The following UGT1A4 variants were observed in gnomAD, a reference collection of about 807,000 sequenced individuals.
UGT1A4 encodes the protein UDP glucuronosyltransferase family 1 member A4, also known as UDP-glucuronosyltransferase 1A4.
Under a neutral mutation model 41.1 loss-of-function variants are expected in UGT1A4, and 32 were observed. The observed-to-expected ratio is 0.78, with a 90% CI of 0.59 to 1.05. UGT1A4 has a LOEUF of 1.05. UGT1A4 is among the 50% of genes least tolerant of loss of function. UGT1A4 has a pLI of 0.00. For synonymous variants in UGT1A4, 283 were observed against 265.1 expected, an observed-to-expected ratio of 1.07 and a Z score of -0.66; for missense variants, 748 against 677.4, an observed-to-expected ratio of 1.10 and a Z score of -1.16.
At chr2:233,753,409 C>A (rs1226930464) in intron 1 of UGT1A4, 1 of 152,194 alleles carries the variant, frequency 6.6e-6, no homozygotes, top group African/African-American at 2.4e-5. Flanking sequence ...CATATCCAAA[C>A]CCATTGTCAC....
At chr2:233,724,310 G>A (rs1212736933) in intron 1 of UGT1A4, among the ~76,000 whole-genome samples, 12 of 140,982 alleles carry the variant, frequency 8.5e-5, no homozygotes, top group African/African-American at 1.3e-4. Context: ...CCTCCCTCCC[G>A]GACGGGGCGG....
At chr2:233,760,458 A>C (rs1336419159) in intron 1 of UGT1A4, 1 of 1,614,212 alleles carries the variant, frequency 6.2e-7, no homozygotes, top group South Asian at 1.1e-5. Context: ...GACATGAAAT[A>C]GTTGTCCTAG....
At position 233,719,622 on chromosome 2, in the gene UGT1A4, C is replaced by T; in HGVS notation, c.802C>T (p.Pro268Ser). The T allele has an allele frequency of 4.3e-6, 7 of 1,614,034 alleles. No individual in the cohort carries two copies. The highest frequency in any genetic ancestry group is 5.9e-6 in the Non-Finnish European group (7 of 1,179,938). ...GGACTTTGTGATGGACTACCCCAGG[C>T]CGATCATGCCCAACATGGTCTTCAT... ...RGDFVMDYPR[P>S]IMPNMVFIGG... The change falls in exon 1 of 5, where the codon CCG becomes TCG. Residue 268 changes from proline (P) to serine (S), a missense_variant. By Grantham distance (74) the Pro-to-Ser change is moderately conservative. Coordinates refer to ENST00000373409, the MANE Select transcript of UGT1A4 (RefSeq NM_007120.3).
intron 1 of UGT1A4, among the ~76,000 whole-genome samples, chr2:233,759,599 A>ACCCCCCCCCCCCCCCCCCCC (rs1553620419): frequency 9.2e-6 from 1 of 108,662 alleles, no homozygotes; most frequent in African/African-American, 3.3e-5. Context: ...CCCACCCCCG[A>ACCCCCCCCCCCCCCCCCCCC]CCCGCCCCAC....
intron 1 of UGT1A4, among the ~76,000 whole-genome samples, chr2:233,744,679 T>C (rs1489705981): frequency 6.6e-6 from 1 of 151,892 alleles, no homozygotes; most frequent in Admixed American, 6.5e-5. Flanking sequence ...ACATCACCCA[T>C]GTAGCTTCTG....
chr2:233,734,102 A>G (rs1165382391), intron 1 of UGT1A4, among the ~76,000 whole-genome samples: 2 of 142,668 alleles, frequency 1.4e-5, no homozygotes, highest in East Asian at 3.9e-4. Flanking sequence ...AACTTAAAGT[A>G]TAATAATAAT....
chr2:233,768,908 GA>G (rs1376378983), intron 4 of UGT1A4, among the ~76,000 whole-genome samples: 2 of 152,020 alleles, frequency 1.3e-5, no homozygotes, highest in African/African-American at 4.8e-5. Context: ...AGATAATTTA[GA>G]GGTTATTATT....
At chr2:233,743,470 G>T in intron 1 of UGT1A4, 1 of 1,366,762 alleles carries the variant, frequency 7.3e-7, no homozygotes, top group Non-Finnish European at 9.8e-7. Flanking sequence ...ACCCCCAAAA[G>T]CTGGAAATTC....
chr2:233,719,211 C>A lies in UGT1A4; in HGVS notation c.391C>A (p.Leu131Ile). 6.2e-7 allele frequency: 1 copy of A among 1,614,194 alleles called. No individual in the cohort carries two copies. Among genetic ancestry groups the A allele is most frequent in the Non-Finnish European group, 8.5e-7 (1 of 1,180,038 alleles). The change falls in exon 1 of 5, where the codon CTA (leucine) becomes ATA (isoleucine). Residue 131 changes from leucine (L) to isoleucine (I), a missense_variant. Transcript: ENST00000373409. Reference protein sequence around the residue: ...SLALHRCCVELLHNEALIRHL... With the variant: ...SLALHRCCVEILHNEALIRHL... Reference sequence around the variant, plus strand: ...GGCCCTTCATAGGTGTTGTGTGGAGCTACTGCATAATGAGGCCCTGATCAG... The same window carrying A: ...GGCCCTTCATAGGTGTTGTGTGGAGATACTGCATAATGAGGCCCTGATCAG...
intron 1 of UGT1A4, among the ~76,000 whole-genome samples, chr2:233,725,678 A>C (rs28899189): frequency 0.068 from 10,401 of 152,238 alleles, 505 homozygotes; most frequent in East Asian, 0.2. Flanking sequence ...GTCACATTTC[A>C]AGTGCTCAAT....
At chr2:233,752,348 A>G (rs1694949264) in intron 1 of UGT1A4, 1 of 152,154 alleles carries the variant, frequency 6.6e-6, no homozygotes, top group South Asian at 2.1e-4. Context: ...CATGGAGGAA[A>G]TTCATTTTAG....
rs532123435 is a variant in UGT1A4 at position 233,768,784 on chromosome 2, ATGTT to A, written c.1307+349_1307+352del. Among the ~76,000 whole-genome samples the A allele has an allele frequency of 2.0e-5, 3 of 151,986 alleles. No homozygotes were observed. The South Asian group carries it at 6.2e-4, about 32-fold the overall frequency. On this transcript the variant is annotated intron_variant, in intron 4 of 4. Coordinates refer to ENST00000373409, the MANE Select transcript of UGT1A4 (RefSeq NM_007120.3). ...TTTTTAGTAGAGAAAGGGTTTCACC[ATGTT>A]TGTCAGGCTGGTCTTGAACTCCTGA...
rs1178293466 is a variant in UGT1A4 at position 233,747,267 on chromosome 2, C to A, written c.868-19767C>A. On this transcript the variant is annotated intron_variant, in intron 1 of 4. Coordinates refer to ENST00000373409, the MANE Select transcript of UGT1A4 (RefSeq NM_007120.3). Reference sequence around the variant, plus strand: ...TGTGGCTGGCCACAGGAGTGCTACTCCTTCTCAGTGCCCAGCCCTGGGCTG... The same window carrying A: ...TGTGGCTGGCCACAGGAGTGCTACTACTTCTCAGTGCCCAGCCCTGGGCTG... 4 of 1,599,414 alleles carry A rather than the reference C, an allele frequency of 2.5e-6. No individual in the cohort carries two copies. In the South Asian group the frequency reaches 3.4e-5, roughly 13 times the overall value.
At chr2:233,738,538 T>C (rs1559382457) in intron 1 of UGT1A4, among the ~76,000 whole-genome samples, 1 of 152,194 alleles carries the variant, frequency 6.6e-6, no homozygotes, top group Non-Finnish European at 1.5e-5. Context: ...AAGTCCAGGC[T>C]GAGTCTCAGA....
intron 1 of UGT1A4, among the ~76,000 whole-genome samples, chr2:233,737,586 G>T (rs1642090076): frequency 6.6e-6 from 1 of 152,172 alleles, no homozygotes; most frequent in African/African-American, 2.4e-5. Flanking sequence ...CAGTCCCAAT[G>T]AGATGAACCA....
In UGT1A4 at chr2:233,719,216, G is replaced by A. The variant is rs767651988; in HGVS notation, c.396G>A (p.Leu132=). ...LALHRCCVEL[L]HNEALIRHLN... Reference sequence around the variant, plus strand: ...TTCATAGGTGTTGTGTGGAGCTACTGCATAATGAGGCCCTGATCAGGCACC... The same window carrying A: ...TTCATAGGTGTTGTGTGGAGCTACTACATAATGAGGCCCTGATCAGGCACC... Residue 132 remains leucine (L), a synonymous_variant, in exon 1 of 5, where the codon CTG becomes CTA. Coordinates refer to ENST00000373409, the MANE Select transcript of UGT1A4 (RefSeq NM_007120.3). 4.3e-6 allele frequency: 7 copies of A among 1,614,090 alleles called. No individual in the cohort carries two copies. Among genetic ancestry groups the A allele is most frequent in the East Asian group, 4.5e-5 (2 of 44,900 alleles).
chr2:233,724,200 G>A (rs1277463705), intron 1 of UGT1A4, among the ~76,000 whole-genome samples: 6 of 126,908 alleles, frequency 4.7e-5, no homozygotes, highest in Admixed American at 1.5e-4. Context: ...GTGGCTGGCC[G>A]GGCTGAGGGG....
At chr2:233,730,084 A>G (rs962499834) in intron 1 of UGT1A4, 3 of 1,600,988 alleles carry the variant, frequency 1.9e-6, no homozygotes, top group African/African-American at 2.7e-5. Context: ...ATATTTACTT[A>G]TCTTTCCAAA....
intron 2 of UGT1A4, 103 bp from the exon 3 acceptor site, chr2:233,767,746 A>G (rs1269401537): frequency 1.3e-6 from 2 of 1,589,042 alleles, no homozygotes; most frequent in Non-Finnish European, 1.7e-6. Flanking sequence ...TCTGTTAAAG[A>G]CTGTTCCTTC....
Sources: gnomAD v4.1 joint callset for allele counts (sites outside exome capture counted in the v4.1 genomes callset) on GRCh38, gnomAD v4.1.1 for gene constraint, MANE v1.5 for transcripts, NCBI Gene and HGNC (gene_info 2026-07-23, HGNC 2026-07-21) for gene names.